Variants in BMPR2 observed in about 807,000 individuals in gnomAD.
BMPR2 encodes the protein bone morphogenetic protein receptor type-2.
Under a neutral mutation model 100.8 loss-of-function variants are expected in BMPR2, and 29 were observed. That is an observed-to-expected ratio of 0.29 (90% confidence interval 0.21 to 0.39). The LOEUF is 0.39. BMPR2 is among the 10% of genes least tolerant of loss of function. The pLI, the probability that BMPR2 is intolerant of heterozygous loss-of-function variation, is 1.00. For missense variants in BMPR2, 1,011 were observed against 1,274.5 expected (o/e 0.79, Z 3.15); for synonymous variants, 382 against 442.3 (o/e 0.86, Z 1.71).
rs79718666 is a variant in BMPR2, at chr2:202,458,478, T to A, written c.77-6331T>A. ...TACTGAGACCCTGTCTCAAAAAAAA[T>A]TTTTTTTTTTAAATTAAATGCTTAA... On this transcript the variant is annotated intron_variant, in intron 1 of 12. Coordinates refer to ENST00000374580, the MANE Select transcript of BMPR2 (RefSeq NM_001204.7). Among the ~76,000 whole-genome samples, 635 of 148,184 alleles carry A rather than the reference T, an allele frequency of 4.3e-3. 4 individuals are homozygous for A. The highest frequency in any genetic ancestry group is 0.028 in the East Asian group (144 of 5,096).
chr2:202,427,082 G>A (rs1691400850), intron 1 of BMPR2, among the ~76,000 whole-genome samples: 1 of 152,168 alleles, frequency 6.6e-6, no homozygotes, highest in African/African-American at 2.4e-5. Context: ...TTGGCGAGGT[G>A]TTTCACACCT....
intron 7 of BMPR2, among the ~76,000 whole-genome samples, chr2:202,524,818 A>T (rs1687878651): frequency 6.6e-6 from 1 of 152,012 alleles, no homozygotes; most frequent in Non-Finnish European, 1.5e-5. Context: ...GGATCACCTG[A>T]GGTCAGGAGT....
chr2:202,522,020 G>T (rs908998664), intron 7 of BMPR2, among the ~76,000 whole-genome samples: 1 of 152,038 alleles, frequency 6.6e-6, no homozygotes, highest in Non-Finnish European at 1.5e-5. Flanking sequence ...TTAGCCAGAT[G>T]TGGTGACACG....
At chr2:202,454,940 C>T (rs1048368853) in intron 1 of BMPR2, among the ~76,000 whole-genome samples, 1 of 152,128 alleles carries the variant, frequency 6.6e-6, no homozygotes, top group African/African-American at 2.4e-5. Context: ...GGGCTCTATT[C>T]CTGGCTTGCA....
At position 202,431,434 on chromosome 2, in the gene BMPR2, G is replaced by C. The variant is rs551725734; in HGVS notation, c.77-33375G>C. On this transcript the variant is annotated intron_variant, in intron 1 of 12. Coordinates refer to ENST00000374580, the MANE Select transcript of BMPR2 (RefSeq NM_001204.7). ...TCTTTGAGTCTCAGTTTTCTAATCT[G>C]TAAAGTGATACATTTATATTACAAT... 1.4e-4 allele frequency among the ~76,000 whole-genome samples: 21 copies of C among 150,564 alleles called. 1 individual carries two copies. The highest frequency in any genetic ancestry group is 5.3e-4 in the African/African-American group (21 of 39,960).
chr2:202,421,736 T>TA (rs201785849), intron 1 of BMPR2, among the ~76,000 whole-genome samples: 138 of 141,722 alleles, frequency 9.7e-4, no homozygotes, highest in Non-Finnish European at 1.1e-3. Flanking sequence ...CTCTGCCCAT[T>TA]AAAAAAAAAA....
At chr2:202,523,984 C>T (rs555663107) in intron 7 of BMPR2, among the ~76,000 whole-genome samples, 6 of 152,128 alleles carry the variant, frequency 3.9e-5, no homozygotes, top group Admixed American at 1.3e-4. Flanking sequence ...ACGTAAACAT[C>T]GGGTACTCAT....
chr2:202,455,909 C>G (rs1365112908), intron 1 of BMPR2, among the ~76,000 whole-genome samples: 1 of 150,422 alleles, frequency 6.6e-6, no homozygotes, highest in Admixed American at 6.6e-5. Flanking sequence ...ACTAAAAATA[C>G]AAAAAATTAT....
chr2:202,509,074 C>T lies in BMPR2; in HGVS notation c.419-4645C>T, dbSNP rs1687579129. Among the ~76,000 whole-genome samples, 4 of 152,078 alleles carry T rather than the reference C, an allele frequency of 2.6e-5. No homozygotes were observed. The South Asian group carries it at 8.3e-4, about 31-fold the overall frequency. ...TATTTTGCATCTGTTTTTCTTTTTACAGGCTGTATGAGAGTGATTTTAATA... is the reference window on the plus strand; with the variant it reads ...TATTTTGCATCTGTTTTTCTTTTTATAGGCTGTATGAGAGTGATTTTAATA... On this transcript the variant is annotated intron_variant, in intron 3 of 12. Coordinates refer to ENST00000374580, the MANE Select transcript of BMPR2 (RefSeq NM_001204.7).
chr2:202,403,162 A>G (rs1235796126), intron 1 of BMPR2, among the ~76,000 whole-genome samples: 2 of 141,184 alleles, frequency 1.4e-5, no homozygotes, highest in African/African-American at 2.7e-5. Context: ...GTAGAGATGA[A>G]CCCTCTCCCT....
intron 3 of BMPR2, among the ~76,000 whole-genome samples, chr2:202,486,310 T>C (rs776001929): frequency 6.6e-6 from 1 of 152,126 alleles, no homozygotes; most frequent in Non-Finnish European, 1.5e-5. Context: ...AGTTCTGAAA[T>C]ATTTGTATTA....
In BMPR2 at chr2:202,440,072, G is replaced by T. The variant is rs367800515; in HGVS notation, c.77-24737G>T. On this transcript the variant is annotated intron_variant, in intron 1 of 12. Transcript: ENST00000374580. ...AGATTAACAGCATCCCAAGGCAGAA[G>T]AATTTTTCTTAGTACAGAACAAAAT... Among the ~76,000 whole-genome samples, 420 of 150,754 alleles carry T rather than the reference G, an allele frequency of 2.8e-3. 44 individuals are homozygous for T. Among genetic ancestry groups the T allele is most frequent in the African/African-American group, 0.01 (405 of 40,096 alleles).
chr2:202,442,752 G>A lies in BMPR2; in HGVS notation c.77-22057G>A, dbSNP rs150336012. On this transcript the variant is annotated intron_variant, in intron 1 of 12. Transcript: ENST00000374580. ...CATAATGTCCTCAAGGTTCATCCTT[G>A]TTGTAGCATATGACAGGATTTACTT... 2.2e-3 allele frequency among the ~76,000 whole-genome samples: 329 copies of A among 150,684 alleles called. 33 individuals are homozygous for A. Among genetic ancestry groups the A allele is most frequent in the African/African-American group, 7.4e-3 (298 of 40,056 alleles).
At position 202,542,312 on chromosome 2, in the gene BMPR2, G is replaced by A. The variant is rs901714492; in HGVS notation, c.1278G>A (p.Gly426=). 30 of 1,613,568 alleles carry A rather than the reference G, an allele frequency of 1.9e-5. No individual in the cohort carries two copies. The African/African-American group carries it at 2.4e-4, about 13-fold the overall frequency. ...IFMRCTDLFP[G]ESVPEYQMAF... ...TCATTCTTTTCTACAAATCCACAGG[G>A]GAATCCGTACCAGAGTACCAGATGG... is the stretch of plus-strand genomic sequence containing the variant. Residue 426 remains glycine (G), a splice_region_variant and synonymous_variant, in exon 10 of 13, where the codon GGG becomes GGA. Transcript: ENST00000374580.
intron 1 of BMPR2, among the ~76,000 whole-genome samples, chr2:202,449,359 T>C (rs191774086): frequency 6.6e-6 from 1 of 151,544 alleles, no homozygotes; most frequent in Non-Finnish European, 1.5e-5. Flanking sequence ...AATAAAAAAA[T>C]AACAGACCTG....
At chr2:202,558,757 G>A (rs951835454) in intron 12 of BMPR2, among the ~76,000 whole-genome samples, 1 of 152,054 alleles carries the variant, frequency 6.6e-6, no homozygotes, top group Non-Finnish European at 1.5e-5. Context: ...GCCAGACGTG[G>A]TGGCACATGC....
chr2:202,441,418 A>C (rs1422562434), intron 1 of BMPR2, among the ~76,000 whole-genome samples: 1 of 150,256 alleles, frequency 6.7e-6, no homozygotes, highest in Non-Finnish European at 1.5e-5. Context: ...TTTAAAAATC[A>C]TAAAGGCTGG....
rs1692550020 is a variant in BMPR2 at position 202,476,268 on chromosome 2, C to A, written c.418+8579C>A. 2.0e-5 allele frequency among the ~76,000 whole-genome samples: 3 copies of A among 152,038 alleles called. No individual in the cohort carries two copies. In the South Asian group the frequency reaches 6.2e-4, roughly 32 times the overall value. Reference sequence around the variant, plus strand: ...TTAGGATTTCCAATTCCATGTGTCCCTCTCTTCCTGCCTTAACTGTGTCTC... The same window carrying A: ...TTAGGATTTCCAATTCCATGTGTCCATCTCTTCCTGCCTTAACTGTGTCTC... On this transcript the variant is annotated intron_variant, in intron 3 of 12. Transcript: ENST00000374580.
At chr2:202,452,349 A>T (rs1692007453) in intron 1 of BMPR2, among the ~76,000 whole-genome samples, 2 of 152,220 alleles carry the variant, frequency 1.3e-5, no homozygotes, top group Non-Finnish European at 2.9e-5. Context: ...GTAGTAACTT[A>T]TATGGATGTA....
Sources: allele counts gnomAD v4.1 joint callset (sites outside exome capture counted in the v4.1 genomes callset), GRCh38; gene constraint gnomAD v4.1.1; transcripts MANE v1.5; gene names NCBI Gene and HGNC (gene_info 2026-07-23, HGNC 2026-07-21).